The following INPP5K variants were observed in gnomAD, a reference collection of about 807,000 sequenced individuals.
The protein encoded by INPP5K is inositol polyphosphate 5-phosphatase K.
In INPP5K, 35 loss-of-function variants were observed where a neutral mutation model predicts 53.5. That is an observed-to-expected ratio of 0.65 (90% CI 0.50 to 0.87). The LOEUF (loss-of-function observed/expected upper bound fraction) is 0.87, where lower values mean the gene tolerates loss of function less well. INPP5K is among the 40% of genes least tolerant of loss of function. The pLI, the probability that INPP5K is intolerant of heterozygous loss-of-function variation, is 0.00. For missense variants in INPP5K, 550 were observed against 586.2 expected, an observed-to-expected ratio of 0.94 and a Z score of 0.64; for synonymous variants, 253 against 232.8, an observed-to-expected ratio of 1.09 and a Z score of -0.79.
chr17:1,498,437 G>A (rs1441771012), intron 7 of INPP5K, among the ~76,000 whole-genome samples: 3 of 152,102 alleles, frequency 2.0e-5, no homozygotes, highest in Non-Finnish European at 4.4e-5. Context: ...AAGCAGCAGT[G>A]GATCAAAGCA....
At chr17:1,497,712 A>G in intron 8 of INPP5K, 1 of 496,916 alleles carries the variant, frequency 2.0e-6, no homozygotes, top group Non-Finnish European at 3.6e-6. Context: ...ACCCAAAGGA[A>G]ATGGAAACCT....
At chr17:1,502,146 G>C (rs1012738873) in intron 7 of INPP5K, among the ~76,000 whole-genome samples, 49 of 151,224 alleles carry the variant, frequency 3.2e-4, no homozygotes, top group East Asian at 1.6e-3. Flanking sequence ...TCAGGACATG[G>C]AGACCATCCT....
At chr17:1,511,466 C>T (rs992763495) in intron 3 of INPP5K, among the ~76,000 whole-genome samples, 6 of 152,148 alleles carry the variant, frequency 3.9e-5, no homozygotes, top group Middle Eastern at 3.2e-3. Context: ...AGGAAATCCC[C>T]GGGTGGGGAG....
chr17:1,497,826 C>T (rs145536147), intron 8 of INPP5K, 110 bp downstream of exon 8: 43,288 of 972,376 alleles, frequency 0.045, 1,212 homozygotes, highest in Middle Eastern at 0.073. Context: ...ATGGCCTCCA[C>T]AGGTCTCCCC....
intron 3 of INPP5K, among the ~76,000 whole-genome samples, chr17:1,510,268 G>A (rs2075276978): frequency 6.6e-6 from 1 of 152,162 alleles, no homozygotes; most frequent in Non-Finnish European, 1.5e-5. Flanking sequence ...CCAGGCTGGA[G>A]TGCAATGGCG....
rs187744639 is a variant in INPP5K at position 1,499,273 on chromosome 17, G to T, written c.777-1151C>A. Among the ~76,000 whole-genome samples, 110 of 152,266 alleles carry T rather than the reference G, an allele frequency of 7.2e-4. 3 individuals carry two copies. Among genetic ancestry groups the T allele is most frequent in the Admixed American group, 6.6e-3 (101 of 15,292 alleles). Reference sequence around the variant, plus strand: ...CACGCCTGTAATCCAAGCACTTTGGGAGGCCAGGGTGGGTGGATCATGAGG... The same window carrying T: ...CACGCCTGTAATCCAAGCACTTTGGTAGGCCAGGGTGGGTGGATCATGAGG... On this transcript the variant is annotated intron_variant, in intron 7 of 11. Transcript: ENST00000421807.
At chr17:1,515,416 G>T in intron 1 of INPP5K, 1 of 985,404 alleles carries the variant, frequency 1.0e-6, no homozygotes, top group Non-Finnish European at 1.2e-6. Flanking sequence ...GCTCAGGAAA[G>T]AGAGACCTAC....
chr17:1,500,635 A>G lies in INPP5K; in HGVS notation c.777-2513T>C, dbSNP rs544075557. Reference sequence around the variant, plus strand: ...TCGCCTTGGCCTCCCAAAGTGCTGGATTACAGGCGTGAGCCACCGCGCCCG... The same window carrying G: ...TCGCCTTGGCCTCCCAAAGTGCTGGGTTACAGGCGTGAGCCACCGCGCCCG... On this transcript the variant is annotated intron_variant, in intron 7 of 11. Coordinates refer to ENST00000421807, the MANE Select transcript of INPP5K (RefSeq NM_016532.4). Among the ~76,000 whole-genome samples the G allele has an allele frequency of 2.0e-3, 301 of 152,118 alleles. 1 individual carries two copies. Among genetic ancestry groups the G allele is most frequent in the African/African-American group, 7.0e-3 (291 of 41,444 alleles).
At chr17:1,508,695 GGATCCGT>G (rs1334336278) in intron 5 of INPP5K, among the ~76,000 whole-genome samples, 1 of 152,190 alleles carries the variant, frequency 6.6e-6, no homozygotes, top group African/African-American at 2.4e-5. Context: ...ACTGGCTGGG[GGATCCGT>G]GATGGAGCAG....
Position 1,513,885 on chromosome 17 carries a change from T to C in INPP5K, c.139A>G (p.Ile47Val), listed in dbSNP as rs754411867. The part of the protein sequence containing the change: ...QLNNRNLNLD[I>V]YVIGLQELNS... Reference sequence around the variant, plus strand: ...GCAGATACCTACCCAATAACATATATGTCAAGATTGAGGTTCCGGTTGTTC... The same window carrying C: ...GCAGATACCTACCCAATAACATATACGTCAAGATTGAGGTTCCGGTTGTTC... Residue 47 changes from isoleucine to valine, a missense_variant, in exon 2 of 12, where the codon ATA becomes GTA. Transcript: ENST00000421807. 3 of 1,612,456 alleles carry C rather than the reference T, an allele frequency of 1.9e-6. No individual in the cohort carries two copies. Among genetic ancestry groups the C allele is most frequent in the Non-Finnish European group, 2.5e-6 (3 of 1,178,772 alleles).
intron 7 of INPP5K, among the ~76,000 whole-genome samples, chr17:1,501,602 C>A (rs2075013694): frequency 6.6e-6 from 1 of 152,212 alleles, no homozygotes; most frequent in Non-Finnish European, 1.5e-5. Context: ...TGGGTCATTT[C>A]CAATCTTTCA....
chr17:1,509,267 G>A lies in INPP5K; in HGVS notation c.465C>T (p.Ser155=). Reference sequence around the variant, plus strand: ...AGTGCTCCAGCCGCTGGTAATTGTTGGAAATGTGGGGAGGCAGGTGGCAGT... The same window carrying A: ...AGTGCTCCAGCCGCTGGTAATTGTTAGAAATGTGGGGAGGCAGGTGGCAGT... ...IINCHLPPHI[S]NNYQRLEHFD... Residue 155 remains serine (S), a synonymous_variant, in exon 5 of 12, where the codon TCC becomes TCT. Transcript: ENST00000421807. 1.2e-6 allele frequency: 2 copies of A among 1,614,094 alleles called. No homozygotes were observed. Among genetic ancestry groups the A allele is most frequent in the South Asian group, 2.2e-5 (2 of 91,074 alleles).
chr17:1,506,862 G>GGGA (rs1235387800), intron 7 of INPP5K, 118 bp downstream of exon 7: 4 of 690,344 alleles, frequency 5.8e-6, no homozygotes, highest in Non-Finnish European at 7.6e-6. Flanking sequence ...CTCTGGAGAG[G>GGGA]GGATGACTAG....
Position 1,513,488 on chromosome 17 carries a change from G to A in INPP5K, c.226C>T (p.Leu76Phe), listed in dbSNP as rs755490467. Residue 76 changes from leucine (L) to phenylalanine (F), a missense_variant, in exon 3 of 12, where the codon CTC (leucine) becomes TTC (phenylalanine). Leu to Phe is a conservative substitution (Grantham distance 22, BLOSUM62 0). Transcript: ENST00000421807. ...CTCAGAGGGGAAAGCACATCCATGA[G>A]GAAACTGCTCCACGAGTCATTAAAG... ...AAFNDSWSSF[L>F]MDVLSPLSFI... 1.9e-6 allele frequency: 3 copies of A among 1,614,218 alleles called. No homozygotes were observed. The highest frequency in any genetic ancestry group is 2.5e-6 in the Non-Finnish European group (3 of 1,180,042).
chr17:1,515,271 G>C (rs79951144), intron 1 of INPP5K, among the ~76,000 whole-genome samples: 1 of 152,130 alleles, frequency 6.6e-6, no homozygotes, highest in Non-Finnish European at 1.5e-5. Flanking sequence ...CTATGTCTGC[G>C]TAGTATTCCG....
Position 1,498,112 on chromosome 17 carries a change from G to GT in INPP5K, c.786dup (p.Arg263ThrfsTer82), listed in dbSNP as rs1567548291. On this transcript the variant is annotated frameshift_variant, in exon 8 of 12. Transcript: ENST00000421807. LOFTEE classifies it high-confidence loss of function. The stretch of plus-strand genomic sequence containing the variant: ...ATGCGATCGGTCCATGCAGGCTTGC[G>GT]TTTTTTCTCACTGCAGGGGCAGGGG... 8 of 1,600,958 alleles carry GT rather than the reference G, an allele frequency of 5.0e-6. No individual in the cohort carries two copies. Among genetic ancestry groups the GT allele is most frequent in the African/African-American group, 1.3e-5 (1 of 74,772 alleles).
At chr17:1,515,443 ACAGT>A (rs1025557576) in intron 1 of INPP5K, 1 of 985,438 alleles carries the variant, frequency 1.0e-6, no homozygotes, top group African/African-American at 1.7e-5. Flanking sequence ...CTTTAGTGGA[ACAGT>A]CAGTCACAGC....
chr17:1,497,795 G>T, intron 8 of INPP5K, 141 bp downstream of exon 8: 3 of 727,932 alleles, frequency 4.1e-6, no homozygotes, highest in East Asian at 2.5e-5. Flanking sequence ...TGGGATATCC[G>T]ACCTGGCAGG....
Position 1,509,292 on chromosome 17 carries a change from T to G in INPP5K, c.440A>C (p.Asn147Thr), listed in dbSNP as rs751507159. 8 of 1,613,996 alleles carry G rather than the reference T, an allele frequency of 5.0e-6. No individual in the cohort carries two copies. The highest frequency in any genetic ancestry group is 1.7e-5 in the Admixed American group (1 of 59,992). Reference protein sequence around the residue: ...KLYGYYVSIINCHLPPHISNN... With the variant: ...KLYGYYVSIITCHLPPHISNN... ...GGAAATGTGGGGAGGCAGGTGGCAG[T>G]TGATGATGCTGACATAGTAGCCATA... Residue 147 changes from asparagine (N) to threonine (T), a missense_variant, in exon 5 of 12, where the codon AAC becomes ACC. Physicochemically the swap from Asn to Thr is moderately conservative, Grantham distance 65 (BLOSUM62 0). Transcript: ENST00000421807.
Sources: gnomAD v4.1 joint callset for allele counts (sites outside exome capture counted in the v4.1 genomes callset) on GRCh38, gnomAD v4.1.1 for gene constraint, MANE v1.5 for transcripts, NCBI Gene and HGNC (gene_info 2026-07-23, HGNC 2026-07-21) for gene names.